The following FAM184A variants were observed in gnomAD, a reference collection of about 807,000 sequenced individuals.
The protein encoded by FAM184A is protein FAM184A.
A neutral mutation model predicts 143.8 loss-of-function variants in FAM184A; 99 were observed. The observed-to-expected ratio is 0.69, with a 90% CI of 0.58 to 0.81. FAM184A has a LOEUF of 0.81. FAM184A is among the 40% of genes least tolerant of loss of function. The pLI is 0.00. For missense variants in FAM184A, 1,217 were observed against 1,310.5 expected (o/e 0.93, Z 1.10); for synonymous variants, 427 against 446.4 (o/e 0.96, Z 0.55).
chr6:118,964,416 C>T (rs794615), intron 16 of FAM184A, among the ~76,000 whole-genome samples: 130,957 of 152,164 alleles, frequency 0.86, 56,444 homozygotes, highest in East Asian at 0.93. Context: ...TAGTTTTCTT[C>T]AGAAATATGA....
chr6:119,066,305 C>T (rs575982299), intron 1 of FAM184A, among the ~76,000 whole-genome samples: 111 of 152,254 alleles, frequency 7.3e-4, no homozygotes, highest in Admixed American at 2.7e-3. Flanking sequence ...TGTTTCCCTG[C>T]CTTTTCCAGC....
chr6:119,142,926 A>G (rs1772295466), intron 1 of FAM184A, among the ~76,000 whole-genome samples: 1 of 152,226 alleles, frequency 6.6e-6, no homozygotes, highest in Non-Finnish European at 1.5e-5. Context: ...CCAAGTGAGA[A>G]CACAGACACT....
intron 1 of FAM184A, among the ~76,000 whole-genome samples, chr6:119,144,421 A>C (rs73767262): frequency 0.13 from 20,367 of 152,010 alleles, 1,798 homozygotes; most frequent in African/African-American, 0.25. Flanking sequence ...GGGCTGCCTA[A>C]ATTGCTCCAG....
chr6:118,969,990 TATA>T (rs1261492936), intron 14 of FAM184A, among the ~76,000 whole-genome samples: 1 of 26,624 alleles, frequency 3.8e-5, no homozygotes, highest in East Asian at 1.7e-3. Context: ...TGTATATATA[TATA>T]ATATATATAT....
intron 4 of FAM184A, among the ~76,000 whole-genome samples, chr6:119,019,497 C>T (rs1436755749): frequency 6.6e-6 from 1 of 152,122 alleles, no homozygotes; most frequent in Non-Finnish European, 1.5e-5. Flanking sequence ...GTATTGTGGG[C>T]ATCTGAAAAA....
chr6:119,042,478 T>G (rs56150460), intron 1 of FAM184A, among the ~76,000 whole-genome samples: 5,385 of 151,858 alleles, frequency 0.035, 206 homozygotes, highest in African/African-American at 0.094. Flanking sequence ...CTCTTTTTTT[T>G]GCTTTATGCC....
intron 9 of FAM184A, among the ~76,000 whole-genome samples, chr6:118,987,579 C>A (rs771142664): frequency 1.3e-5 from 2 of 152,106 alleles, no homozygotes; most frequent in African/African-American, 4.8e-5. Context: ...GGGATTTACT[C>A]TATTTTGCTT....
chr6:119,116,008 T>TACAC (rs1554197676), intron 1 of FAM184A, among the ~76,000 whole-genome samples: 1 of 88,806 alleles, frequency 1.1e-5, no homozygotes, highest in South Asian at 3.2e-4. Flanking sequence ...CACACACACA[T>TACAC]ACACACACAC....
At chr6:119,068,108 G>A (rs192238467) in intron 1 of FAM184A, among the ~76,000 whole-genome samples, 1,454 of 143,678 alleles carry the variant, frequency 0.01, 28 homozygotes, top group Middle Eastern at 0.058. Flanking sequence ...GTGCAGTGGC[G>A]CAATCTCAGC....
At chr6:119,080,052 T>G (rs577356166), upstream of FAM184A, among the ~76,000 whole-genome samples, 1 of 152,248 alleles carries the variant, frequency 6.6e-6, no homozygotes, top group African/African-American at 2.4e-5. Flanking sequence ...TTTCATCAAA[T>G]TCTAGGCATG....
chr6:119,065,273 T>C (rs1455181553), intron 1 of FAM184A, among the ~76,000 whole-genome samples: 1 of 152,130 alleles, frequency 6.6e-6, no homozygotes, highest in Non-Finnish European at 1.5e-5. Context: ...AAGACCCATA[T>C]GGTAAATAAA....
intron 1 of FAM184A, among the ~76,000 whole-genome samples, chr6:119,046,998 C>A (rs1053079982): frequency 6.6e-6 from 1 of 151,882 alleles, no homozygotes; most frequent in Non-Finnish European, 1.5e-5. Flanking sequence ...GGATTAATAA[C>A]CAGAATACAT....
At position 118,974,459 on chromosome 6, in the gene FAM184A, G is replaced by A. The variant is rs371377877; in HGVS notation, c.2884C>T (p.Leu962Phe). The change falls in exon 14 of 18, where the codon CTC becomes TTC. Residue 962 changes from leucine to phenylalanine, a missense_variant. Physicochemically the swap from Leu to Phe is conservative, Grantham distance 22 (BLOSUM62 0). Transcript: ENST00000338891. ...TGTAAAGCGGCATTTATTTCCTTGAGTAGCTCGTTAGTCTTATTAAAATCT... is the reference window on the plus strand; with the variant it reads ...TGTAAAGCGGCATTTATTTCCTTGAATAGCTCGTTAGTCTTATTAAAATCT... ...RADFNKTNEL[L>F]KEINAALQVS... 2 of 1,610,802 alleles carry A rather than the reference G, an allele frequency of 1.2e-6. No homozygotes were observed. Among genetic ancestry groups the A allele is most frequent in the Non-Finnish European group, 1.7e-6 (2 of 1,178,428 alleles).
At chr6:119,102,660 T>C (rs1378019836) in intron 1 of FAM184A, among the ~76,000 whole-genome samples, 1 of 150,954 alleles carries the variant, frequency 6.6e-6, no homozygotes, top group African/African-American at 2.4e-5. Flanking sequence ...CATGCTGGCA[T>C]GCACCTGTAG....
intron 3 of FAM184A, 119 bp downstream of exon 3, chr6:119,022,826 G>A (rs1451004471): frequency 4.0e-5 from 48 of 1,198,456 alleles, no homozygotes; most frequent in South Asian, 3.5e-4. Context: ...GCAATGAGCC[G>A]AGATTGAGCC....
chr6:118,971,734 A>G (rs1392035509), intron 14 of FAM184A, among the ~76,000 whole-genome samples: 1 of 152,236 alleles, frequency 6.6e-6, no homozygotes, highest in Non-Finnish European at 1.5e-5. Context: ...ATCATCCATA[A>G]GCAATATAGA....
intron 1 of FAM184A, among the ~76,000 whole-genome samples, chr6:119,147,616 G>A (rs1218745274): frequency 6.6e-6 from 1 of 152,218 alleles, no homozygotes; most frequent in African/African-American, 2.4e-5. Context: ...AACCCAGGAA[G>A]TCAGCCTGCT....
At chr6:119,073,444 C>A (rs148915287) in intron 1 of FAM184A, among the ~76,000 whole-genome samples, 13 of 152,122 alleles carry the variant, frequency 8.5e-5, no homozygotes, top group Admixed American at 4.6e-4. Context: ...GAACCAGAGA[C>A]GATAGAAATG....
At chr6:119,042,720 A>T (rs1419349122) in intron 1 of FAM184A, among the ~76,000 whole-genome samples, 1 of 152,232 alleles carries the variant, frequency 6.6e-6, no homozygotes, top group Non-Finnish European at 1.5e-5. Flanking sequence ...ATCCTAATGT[A>T]AACCATGGAC....
Sources: gnomAD v4.1 joint callset for allele counts (sites outside exome capture counted in the v4.1 genomes callset) on GRCh38, gnomAD v4.1.1 for gene constraint, MANE v1.5 for transcripts, NCBI Gene and HGNC (gene_info 2026-07-23, HGNC 2026-07-21) for gene names.